C10orf67: variants seen among roughly 807,000 people sequenced by gnomAD.
The protein encoded by C10orf67 is uncharacterized protein C10orf67, mitochondrial.
In C10orf67, 60 loss-of-function variants were observed where a neutral mutation model predicts 35.6. The ratio of observed to expected loss-of-function variants is 1.68; its 90% CI spans 1.37 to 2.09. C10orf67 has a LOEUF of 2.09. Among genes scored for constraint, C10orf67 ranks in the 30% most tolerant of loss-of-function variants. The pLI is 0.00. For synonymous variants in C10orf67, 167 were observed against 115.8 expected, an observed-to-expected ratio of 1.44 and a Z score of -2.84; for missense variants, 474 against 330.2, an observed-to-expected ratio of 1.44 and a Z score of -3.38.
chr10:23,208,185 C>A (rs1316059791), intron 15 of C10orf67, among the ~76,000 whole-genome samples: 1 of 152,134 alleles, frequency 6.6e-6, no homozygotes, highest in Non-Finnish European at 1.5e-5. Context: ...CAATTTGGAG[C>A]CTAAGGATTG....
chr10:23,314,342 C>T (rs1359965045), intron 4 of C10orf67, among the ~76,000 whole-genome samples: 1 of 151,790 alleles, frequency 6.6e-6, no homozygotes. Flanking sequence ...ACACGTTTGG[C>T]CAGGCACGGT....
intron 15 of C10orf67, among the ~76,000 whole-genome samples, chr10:23,215,608 C>T (rs1415983190): frequency 6.6e-6 from 1 of 152,088 alleles, no homozygotes; most frequent in Non-Finnish European, 1.5e-5. Flanking sequence ...CTTTAATCAT[C>T]TGACAGAAGA....
chr10:23,252,857 C>A (rs527750913), intron 10 of C10orf67, among the ~76,000 whole-genome samples: 2 of 152,216 alleles, frequency 1.3e-5, no homozygotes, highest in South Asian at 2.1e-4. Context: ...GGCTCTGTGT[C>A]CCCACCCAAA....
At chr10:23,278,981 G>C (rs955592956) in intron 8 of C10orf67, among the ~76,000 whole-genome samples, 7 of 152,196 alleles carry the variant, frequency 4.6e-5, no homozygotes, top group Admixed American at 2.0e-4. Context: ...GTCGGTCGCA[G>C]CGGCTCATGC....
At chr10:23,301,742 C>T (rs1330439825) in intron 5 of C10orf67, among the ~76,000 whole-genome samples, 1 of 152,142 alleles carries the variant, frequency 6.6e-6, no homozygotes, top group African/African-American at 2.4e-5. Flanking sequence ...ACCTGGGGTT[C>T]TTGGCCTCAT....
rs748676331 is a variant in C10orf67, at chr10:23,292,744, TAA to T, written c.703-1467_703-1466del. 4.6e-5 allele frequency among the ~76,000 whole-genome samples: 7 copies of T among 151,190 alleles called. 1 individual carries two copies. Among genetic ancestry groups the T allele is most frequent in the African/African-American group, 1.2e-4 (5 of 41,226 alleles). ...ATATATATGTGTGTGTGTGTGTGTG[TAA>T]GAGTTAGTAATATTTAAAATATGTT... On this transcript the variant is annotated intron_variant, in intron 5 of 15. Transcript: ENST00000636213.
chr10:23,331,228 AGG>A (rs148648438), intron 2 of C10orf67, among the ~76,000 whole-genome samples: 519 of 4,050 alleles, frequency 0.13, 18 homozygotes, highest in East Asian at 0.26. Flanking sequence ...AAGGGAAGGG[AGG>A]AGGGAAGGGA....
intron 8 of C10orf67, among the ~76,000 whole-genome samples, chr10:23,267,766 C>T (rs1160575036): frequency 6.6e-6 from 1 of 151,360 alleles, no homozygotes; most frequent in Admixed American, 6.6e-5. Flanking sequence ...ATTTTCCGGG[C>T]GTGGTGGTGG....
intron 15 of C10orf67, among the ~76,000 whole-genome samples, chr10:23,222,474 G>C (rs1588585173): frequency 6.6e-6 from 1 of 152,072 alleles, no homozygotes; most frequent in East Asian, 1.9e-4. Flanking sequence ...GGGACATAAA[G>C]ATGGGAATAA....
intron 4 of C10orf67, chr10:23,317,926 C>T (rs1421219800): frequency 6.6e-6 from 1 of 150,710 alleles, no homozygotes; most frequent in Non-Finnish European, 1.5e-5. Context: ...AGCAAGATCC[C>T]ATGTCATATA....
intron 2 of C10orf67, among the ~76,000 whole-genome samples, chr10:23,329,797 C>CAAAAAAAAA (rs398013008): frequency 0.038 from 1,784 of 47,542 alleles, 69 homozygotes; most frequent in East Asian, 0.072. Context: ...GAACTTGTCT[C>CAAAAAAAAA]AAAAAAAAAA....
chr10:23,294,027 T>A (rs1843802881), intron 5 of C10orf67, among the ~76,000 whole-genome samples: 1 of 152,182 alleles, frequency 6.6e-6, no homozygotes, highest in Admixed American at 6.5e-5. Flanking sequence ...CTGTGCCTTC[T>A]CAGCAGTTTC....
intron 7 of C10orf67, among the ~76,000 whole-genome samples, chr10:23,286,625 G>A (rs1248641699): frequency 7.3e-6 from 1 of 137,594 alleles, no homozygotes; most frequent in Non-Finnish European, 1.6e-5. Context: ...AGGGAGGGAG[G>A]AAAGGAGGGA....
At position 23,250,449 on chromosome 10, in the gene C10orf67, C is replaced by T. The variant is rs1050958256; in HGVS notation, c.1346+6G>A. 5.0e-6 allele frequency: 2 copies of T among 398,378 alleles called. No homozygotes were observed. The highest frequency in any genetic ancestry group is 4.1e-5 in the African/African-American group (2 of 48,588). 24.7% of individuals were successfully genotyped at this position (398,378 alleles called of 1,614,324 possible). A position where few individuals can be genotyped will look rare whatever the true frequency, so the allele number is the denominator to read the frequency against. ...AGAAATAGAATTTGTATATTTCACA[C>T]CATACCTGTTCCTGAGAATAAAGAA... On this transcript the variant is annotated splice_donor_region_variant and intron_variant, in intron 12 of 15. Transcript: ENST00000636213.
Position 23,266,246 on chromosome 10 carries a change from T to C in C10orf67, c.1200+16A>G, listed in dbSNP as rs998525583. The C allele has an allele frequency of 2.5e-6, 1 of 398,478 alleles. No individual in the cohort carries two copies. The highest frequency in any genetic ancestry group is 2.1e-5 in the African/African-American group (1 of 48,624). 24.7% of individuals were successfully genotyped at this position (398,478 alleles called of 1,614,324 possible). A position where few individuals can be genotyped will look rare whatever the true frequency, so the allele number is the denominator to read the frequency against. Reference sequence around the variant, plus strand: ...GAGGAAGGTGGACAGGGTGTGGTCATGGAAGCAGTTCTTACCACAGCTTGG... The same window carrying C: ...GAGGAAGGTGGACAGGGTGTGGTCACGGAAGCAGTTCTTACCACAGCTTGG... On this transcript the variant is annotated intron_variant, in intron 10 of 15. Transcript: ENST00000636213.
At chr10:23,341,228 T>C (rs1416220999) in intron 1 of C10orf67, among the ~76,000 whole-genome samples, 1 of 152,228 alleles carries the variant, frequency 6.6e-6, no homozygotes, top group Non-Finnish European at 1.5e-5. Flanking sequence ...ACCTCTCTTC[T>C]TAACTTCAGA....
At chr10:23,329,797 C>CAAAAAAAAAAAAAAAATAAAAA (rs1845364322) in intron 2 of C10orf67, among the ~76,000 whole-genome samples, 1 of 48,092 alleles carries the variant, frequency 2.1e-5, no homozygotes, top group East Asian at 6.5e-4. Flanking sequence ...GAACTTGTCT[C>CAAAAAAAAAAAAAAAATAAAAA]AAAAAAAAAA....
intron 5 of C10orf67, among the ~76,000 whole-genome samples, chr10:23,293,115 C>T (rs960119792): frequency 5.9e-5 from 9 of 152,074 alleles, no homozygotes; most frequent in Non-Finnish European, 1.5e-5. Flanking sequence ...CATGAGCACC[C>T]GATTCTCATA....
intron 4 of C10orf67, among the ~76,000 whole-genome samples, chr10:23,312,430 G>A (rs1178299993): frequency 1.3e-5 from 2 of 152,080 alleles, no homozygotes; most frequent in Non-Finnish European, 2.9e-5. Flanking sequence ...CTTCAGTTAC[G>A]ACAAATATTG....
Sources: gnomAD v4.1 joint callset for allele counts (sites outside exome capture counted in the v4.1 genomes callset) on GRCh38, gnomAD v4.1.1 for gene constraint, MANE v1.5 for transcripts, NCBI Gene and HGNC (gene_info 2026-07-23, HGNC 2026-07-21) for gene names.